The following SPIDR variants were observed in gnomAD, a reference collection of about 807,000 sequenced individuals.
SPIDR encodes DNA repair-scaffolding protein.
SPIDR carries 93 observed loss-of-function variants against 104.6 expected under a neutral mutation model. That is an observed-to-expected ratio of 0.89 (90% CI 0.75 to 1.06). The LOEUF (loss-of-function observed/expected upper bound fraction) is 1.06. Among genes scored for constraint, SPIDR ranks in the 50% least tolerant of loss-of-function variants. The pLI, the probability that SPIDR is intolerant of heterozygous loss-of-function variation, is 0.00. For missense variants in SPIDR, 1,154 were observed against 1,111.2 expected (o/e 1.04, Z -0.55); for synonymous variants, 431 against 416.9 (o/e 1.03, Z -0.41).
At chr8:47,373,665 G>A (rs772801848) in intron 5 of SPIDR, among the ~76,000 whole-genome samples, 8 of 152,086 alleles carry the variant, frequency 5.3e-5, no homozygotes, top group East Asian at 3.8e-4. Flanking sequence ...GTCATCCATC[G>A]TCTTTGCAAA....
intron 14 of SPIDR, among the ~76,000 whole-genome samples, chr8:47,702,595 G>A (rs1033852801): frequency 1.3e-5 from 2 of 152,168 alleles, no homozygotes. Context: ...GAGGGAAGGA[G>A]ACCTGCTTGC....
chr8:47,544,399 T>A (rs1223791745), intron 8 of SPIDR, among the ~76,000 whole-genome samples: 1 of 152,200 alleles, frequency 6.6e-6, no homozygotes, highest in Non-Finnish European at 1.5e-5. Context: ...AATTTTTCCT[T>A]TTATGAATTG....
intron 6 of SPIDR, among the ~76,000 whole-genome samples, chr8:47,398,113 A>C (rs1471907447): frequency 6.6e-6 from 1 of 152,202 alleles, no homozygotes; most frequent in Non-Finnish European, 1.5e-5. Flanking sequence ...AAAAGAATGT[A>C]ATTTGTAATA....
At chr8:47,454,007 G>A (rs1554708099) in intron 8 of SPIDR, among the ~76,000 whole-genome samples, 5 of 152,156 alleles carry the variant, frequency 3.3e-5, no homozygotes, top group Non-Finnish European at 7.4e-5. Flanking sequence ...GGAGAAATAG[G>A]AACACTTTTA....
intron 8 of SPIDR, among the ~76,000 whole-genome samples, chr8:47,494,378 C>A (rs928222198): frequency 2.0e-5 from 3 of 152,034 alleles, no homozygotes; most frequent in African/African-American, 7.2e-5. Flanking sequence ...CAGCCTTGAC[C>A]TCCCCAGGCT....
chr8:47,691,463 G>A (rs1563558578), intron 11 of SPIDR, among the ~76,000 whole-genome samples: 2 of 152,068 alleles, frequency 1.3e-5, no homozygotes, highest in Admixed American at 6.6e-5. Context: ...TCCCTTCCTG[G>A]CTGTCCCACC....
intron 1 of SPIDR, among the ~76,000 whole-genome samples, chr8:47,278,121 G>A (rs1316346164): frequency 7.3e-6 from 1 of 136,700 alleles, no homozygotes; most frequent in Non-Finnish European, 1.5e-5. Context: ...TTTATTAATA[G>A]CCATTCTGGT....
Position 47,735,697 on chromosome 8 carries a change from G to C in SPIDR, c.*247G>C. On this transcript the variant is annotated 3_prime_UTR_variant, in exon 20 of 20. Transcript: ENST00000297423. The stretch of plus-strand genomic sequence containing the variant: ...GAACATATTTACTCGTTTTCACATT[G>C]AATCTTAAGTTTAAGCTCTTCATTT... The C allele has an allele frequency of 1.1e-6, 1 of 878,054 alleles. No individual in the cohort carries two copies. Among genetic ancestry groups the C allele is most frequent in the Non-Finnish European group, 1.7e-6 (1 of 600,054 alleles). The allele number at this position is 878,054 out of a possible 1,614,324, so 54.4% of individuals were successfully genotyped here. A position where few individuals can be genotyped will look rare whatever the true frequency, so the allele number is the denominator to read the frequency against.
intron 15 of SPIDR, chr8:47,713,232 T>A (rs1465812282): frequency 1.0e-5 from 6 of 600,410 alleles, no homozygotes; most frequent in South Asian, 5.9e-5. Flanking sequence ...CTATCTTTTT[T>A]AATTTTTATT....
chr8:47,670,965 G>C (rs1361063415), intron 10 of SPIDR, among the ~76,000 whole-genome samples: 1 of 152,006 alleles, frequency 6.6e-6, no homozygotes, highest in Non-Finnish European at 1.5e-5. Flanking sequence ...CTGGAGTGCA[G>C]TGGCACAGTC....
intron 6 of SPIDR, among the ~76,000 whole-genome samples, chr8:47,400,979 C>T (rs552310591): frequency 6.6e-6 from 1 of 151,968 alleles, no homozygotes; most frequent in Non-Finnish European, 1.5e-5. Context: ...TCAGGAAATA[C>T]AGAGAATGCC....
chr8:47,522,254 C>T (rs1054242177), intron 8 of SPIDR, among the ~76,000 whole-genome samples: 1 of 152,088 alleles, frequency 6.6e-6, no homozygotes, highest in South Asian at 2.1e-4. Context: ...GGGTCAGCCT[C>T]TCCTCCTGTG....
At chr8:47,510,714 T>C (rs1038429274) in intron 8 of SPIDR, among the ~76,000 whole-genome samples, 1 of 152,236 alleles carries the variant, frequency 6.6e-6, no homozygotes, top group Non-Finnish European at 1.5e-5. Flanking sequence ...ATTATGTGTA[T>C]GTTTGGAATT....
At chr8:47,349,372 G>A (rs1554620700) in intron 5 of SPIDR, among the ~76,000 whole-genome samples, 1 of 152,214 alleles carries the variant, frequency 6.6e-6, no homozygotes, top group Non-Finnish European at 1.5e-5. Context: ...GCTGTATGAG[G>A]TGTCAGTCAG....
chr8:47,722,394 T>A (rs921122996), intron 16 of SPIDR, among the ~76,000 whole-genome samples: 1 of 152,232 alleles, frequency 6.6e-6, no homozygotes, highest in Non-Finnish European at 1.5e-5. Context: ...GGACTATCAG[T>A]ACCATGTAGA....
At chr8:47,286,998 C>T (rs1444925133) in intron 3 of SPIDR, among the ~76,000 whole-genome samples, 3 of 152,074 alleles carry the variant, frequency 2.0e-5, no homozygotes, top group South Asian at 2.1e-4. Context: ...CCCTAAGTGT[C>T]GGCCAGCTGA....
intron 8 of SPIDR, chr8:47,592,752 T>C: frequency 2.0e-6 from 1 of 495,204 alleles, no homozygotes; most frequent in South Asian, 4.0e-5. Context: ...CAGACAATGT[T>C]ATAATTTTTG....
intron 8 of SPIDR, among the ~76,000 whole-genome samples, chr8:47,594,066 G>A (rs4873395): frequency 0.46 from 69,273 of 151,588 alleles, 18,835 homozygotes; most frequent in East Asian, 0.64. Flanking sequence ...AGGCCTGTGG[G>A]AGATCAAAGT....
intron 8 of SPIDR, among the ~76,000 whole-genome samples, chr8:47,499,554 T>A (rs75906832): frequency 0.019 from 2,905 of 152,134 alleles, 98 homozygotes; most frequent in African/African-American, 0.067. Flanking sequence ...CTTTTTTTTT[T>A]TTTTTACCCT....
Sources: gnomAD v4.1 joint callset for allele counts (sites outside exome capture counted in the v4.1 genomes callset) on GRCh38, gnomAD v4.1.1 for gene constraint, MANE v1.5 for transcripts, NCBI Gene and HGNC (gene_info 2026-07-23, HGNC 2026-07-21) for gene names.